GABRB2: variants seen among roughly 807,000 people sequenced by gnomAD.
The protein encoded by GABRB2 is gamma-aminobutyric acid receptor subunit beta-2.
In GABRB2, 16 loss-of-function variants were observed where a neutral mutation model predicts 54.7. The observed-to-expected ratio is 0.29, with a 90% CI of 0.20 to 0.44. The LOEUF is 0.44. Ranked by LOEUF, GABRB2 falls within the 20% of genes least tolerant of loss-of-function variation. The pLI is 1.00. For synonymous variants in GABRB2, 244 were observed against 233.8 expected (o/e 1.04, Z -0.40); for missense variants, 355 against 644.0 (o/e 0.55, Z 4.86).
chr5:161,505,197 C>T (rs986782369), intron 3 of GABRB2, among the ~76,000 whole-genome samples: 2 of 151,012 alleles, frequency 1.3e-5, no homozygotes, highest in African/African-American at 2.4e-5. Flanking sequence ...GGCACCATCT[C>T]GGCTCACTGC....
intron 7 of GABRB2, among the ~76,000 whole-genome samples, chr5:161,334,014 AG>A (rs1352753560): frequency 6.6e-6 from 1 of 152,224 alleles, no homozygotes; most frequent in East Asian, 1.9e-4. Flanking sequence ...AGCATATATT[AG>A]GTATTTAACA....
intron 3 of GABRB2, among the ~76,000 whole-genome samples, chr5:161,472,499 T>C (rs900368355): frequency 2.0e-5 from 3 of 149,892 alleles, no homozygotes; most frequent in African/African-American, 7.4e-5. Flanking sequence ...ATTTGGGACA[T>C]ACATAAAATA....
intron 5 of GABRB2, among the ~76,000 whole-genome samples, chr5:161,379,090 A>C (rs1159071687): frequency 6.6e-6 from 1 of 152,172 alleles, no homozygotes; most frequent in Non-Finnish European, 1.5e-5. Context: ...ATTAGTTATC[A>C]TTTTAAATGA....
chr5:161,527,519 ACAAT>A (rs1181937458), intron 3 of GABRB2, among the ~76,000 whole-genome samples: 1 of 151,610 alleles, frequency 6.6e-6, no homozygotes, highest in Non-Finnish European at 1.5e-5. Context: ...AACCTTCTGG[ACAAT>A]CAAATATATT....
intron 5 of GABRB2, among the ~76,000 whole-genome samples, chr5:161,368,414 T>C (rs1755034356): frequency 6.6e-6 from 1 of 152,174 alleles, no homozygotes; most frequent in Non-Finnish European, 1.5e-5. Context: ...AAGGGGTCTA[T>C]GATGCCCAAA....
intron 3 of GABRB2, among the ~76,000 whole-genome samples, chr5:161,500,093 AG>A (rs1266944096): frequency 2.0e-5 from 3 of 152,198 alleles, no homozygotes; most frequent in Non-Finnish European, 4.4e-5. Context: ...GTTTTCTCTT[AG>A]TTCATTTACT....
chr5:161,459,332 A>G (rs920535920), intron 4 of GABRB2: 2 of 380,374 alleles, frequency 5.3e-6, no homozygotes, highest in Admixed American at 8.0e-5. Flanking sequence ...TTTTAAAGAA[A>G]CCCTATGTCT....
intron 4 of GABRB2, among the ~76,000 whole-genome samples, chr5:161,453,844 C>T (rs796227152): frequency 1.3e-4 from 20 of 152,060 alleles, no homozygotes; most frequent in African/African-American, 4.8e-4. Context: ...GAAGACCAGC[C>T]TGGCCAACAT....
At chr5:161,473,998 G>A (rs545830328) in intron 3 of GABRB2, among the ~76,000 whole-genome samples, 1 of 152,090 alleles carries the variant, frequency 6.6e-6, no homozygotes, top group East Asian at 1.9e-4. Flanking sequence ...AGTAACCTCT[G>A]AGGAGGTGGA....
At chr5:161,430,922 A>G (rs1455849359) in intron 4 of GABRB2, among the ~76,000 whole-genome samples, 7 of 152,166 alleles carry the variant, frequency 4.6e-5, no homozygotes, top group Non-Finnish European at 1.0e-4. Flanking sequence ...ATAATTCATT[A>G]CAAGATAGAA....
intron 8 of GABRB2, chr5:161,329,422 T>TA (rs1753766599): frequency 6.6e-6 from 1 of 152,190 alleles, no homozygotes; most frequent in Non-Finnish European, 1.5e-5. Flanking sequence ...CCTAGACCCT[T>TA]ACGGTTTTTT....
intron 5 of GABRB2, among the ~76,000 whole-genome samples, chr5:161,386,669 C>A (rs946154168): frequency 1.3e-5 from 2 of 151,920 alleles, no homozygotes; most frequent in African/African-American, 4.8e-5. Context: ...CCCAGTGCTC[C>A]CTTATGTGGG....
At chr5:161,335,894 A>G (rs548384664) in intron 6 of GABRB2, among the ~76,000 whole-genome samples, 73 of 152,306 alleles carry the variant, frequency 4.8e-4, no homozygotes, top group African/African-American at 1.6e-3. Flanking sequence ...CAGAAGGGCC[A>G]TTACAGTATT....
At chr5:161,417,427 G>A (rs1263948190) in intron 4 of GABRB2, among the ~76,000 whole-genome samples, 1 of 152,182 alleles carries the variant, frequency 6.6e-6, no homozygotes, top group East Asian at 1.9e-4. Context: ...GAGTCACACG[G>A]TGAGTGGTAG....
At chr5:161,311,196 T>A (rs1407208311) in intron 9 of GABRB2, among the ~76,000 whole-genome samples, 1 of 152,198 alleles carries the variant, frequency 6.6e-6, no homozygotes, top group Admixed American at 6.5e-5. Flanking sequence ...GACTTCCTCA[T>A]CTCATGGATA....
chr5:161,514,882 G>A (rs914450813), intron 3 of GABRB2, among the ~76,000 whole-genome samples: 2 of 151,956 alleles, frequency 1.3e-5, no homozygotes, highest in East Asian at 3.9e-4. Flanking sequence ...CTCTACTTTC[G>A]TCACATTAAA....
chr5:161,525,843 T>C (rs1331497632), intron 3 of GABRB2, among the ~76,000 whole-genome samples: 1 of 151,370 alleles, frequency 6.6e-6, no homozygotes, highest in Non-Finnish European at 1.5e-5. Flanking sequence ...GGGTGATAAG[T>C]TCTTATTTAA....
chr5:161,331,464 G>C (rs545778634), intron 7 of GABRB2, among the ~76,000 whole-genome samples: 34 of 152,244 alleles, frequency 2.2e-4, no homozygotes, highest in African/African-American at 7.9e-4. Flanking sequence ...TCAACTTTCT[G>C]ATGTGCCAGG....
chr5:161,478,703 A>G (rs1758667077), intron 3 of GABRB2, among the ~76,000 whole-genome samples: 1 of 152,024 alleles, frequency 6.6e-6, no homozygotes, highest in Non-Finnish European at 1.5e-5. Flanking sequence ...TGCATACTAC[A>G]TCATACAATG....
Sources: gnomAD v4.1 joint callset for allele counts (sites outside exome capture counted in the v4.1 genomes callset) on GRCh38, gnomAD v4.1.1 for gene constraint, MANE v1.5 for transcripts, NCBI Gene and HGNC (gene_info 2026-07-23, HGNC 2026-07-21) for gene names.